CDKAL1: variants seen among roughly 807,000 people sequenced by gnomAD.
CDKAL1 encodes the protein threonylcarbamoyladenosine tRNA methylthiotransferase.
CDKAL1 carries 32 observed loss-of-function variants against 68.2 expected under a neutral mutation model. The ratio of observed to expected loss-of-function variants is 0.47; its 90% CI spans 0.35 to 0.63. The LOEUF (loss-of-function observed/expected upper bound fraction) is 0.63, where lower values mean the gene tolerates loss of function less well. CDKAL1 is among the 30% of genes least tolerant of loss of function. CDKAL1 has a pLI of 0.00. For synonymous variants in CDKAL1, 234 were observed against 244.3 expected (o/e 0.96, Z 0.39); for missense variants, 606 against 696.7 (o/e 0.87, Z 1.47).
intron 4 of CDKAL1, among the ~76,000 whole-genome samples, chr6:20,616,883 T>A (rs991968138): frequency 8.9e-4 from 49 of 55,114 alleles, no homozygotes; most frequent in African/African-American, 2.4e-3. Flanking sequence ...ACACACACAC[T>A]ACAAAAATTA....
chr6:20,576,718 A>G (rs1244431908), intron 4 of CDKAL1, among the ~76,000 whole-genome samples: 3 of 151,968 alleles, frequency 2.0e-5, no homozygotes, highest in African/African-American at 7.3e-5. Context: ...GAACCTACCT[A>G]TTGTACTTTA....
At chr6:20,757,120 A>T (rs1476808146) in intron 6 of CDKAL1, among the ~76,000 whole-genome samples, 1 of 151,986 alleles carries the variant, frequency 6.6e-6, no homozygotes, top group South Asian at 2.1e-4. Context: ...TTTAATAGAG[A>T]TAGGGTTTCA....
intron 7 of CDKAL1, among the ~76,000 whole-genome samples, chr6:20,760,657 A>G (rs1202439248): frequency 6.6e-6 from 1 of 152,182 alleles, no homozygotes; most frequent in Admixed American, 6.5e-5. Flanking sequence ...TTGCTCTCTC[A>G]CAGTTGAGAT....
chr6:21,217,339 G>C (rs1779376809), intron 15 of CDKAL1, among the ~76,000 whole-genome samples: 1 of 150,238 alleles, frequency 6.7e-6, no homozygotes, highest in African/African-American at 2.4e-5. Flanking sequence ...TGTTGCCCAG[G>C]CTGGAGTGCA....
chr6:21,149,347 T>C (rs1776306298), intron 13 of CDKAL1, among the ~76,000 whole-genome samples: 3 of 152,208 alleles, frequency 2.0e-5, no homozygotes, highest in South Asian at 2.1e-4. Flanking sequence ...GGTTTCGCCA[T>C]GTTAGCCAGG....
chr6:20,942,990 A>G (rs193194257), intron 9 of CDKAL1, among the ~76,000 whole-genome samples: 1 of 149,766 alleles, frequency 6.7e-6, no homozygotes, highest in African/African-American at 2.4e-5. Flanking sequence ...TATATTTTAT[A>G]TATACCCACA....
intron 15 of CDKAL1, among the ~76,000 whole-genome samples, chr6:21,215,271 A>T (rs1462881505): frequency 6.6e-6 from 1 of 152,224 alleles, no homozygotes; most frequent in Non-Finnish European, 1.5e-5. Flanking sequence ...AGGCAAAGGA[A>T]TAGCAAACAG....
intron 8 of CDKAL1, among the ~76,000 whole-genome samples, chr6:20,834,887 G>C (rs1777864970): frequency 6.6e-6 from 1 of 152,108 alleles, no homozygotes. Flanking sequence ...TAGCCTTTCT[G>C]TCTCCCTCTA....
chr6:20,952,022 G>C lies in CDKAL1; in HGVS notation c.743-3397G>C, dbSNP rs1484735026. Reference sequence around the variant, plus strand: ...CGCCCAGGCTGGAGTGCAGTGGCACGATCTCGGCTCACTGTAAGCTCCGCC... The same window carrying C: ...CGCCCAGGCTGGAGTGCAGTGGCACCATCTCGGCTCACTGTAAGCTCCGCC... On this transcript the variant is annotated intron_variant, in intron 9 of 15. Coordinates refer to ENST00000274695, the MANE Select transcript of CDKAL1 (RefSeq NM_017774.3). Among the ~76,000 whole-genome samples the C allele has an allele frequency of 1.7e-4, 24 of 139,172 alleles. 1 individual carries two copies. Among genetic ancestry groups the C allele is most frequent in the African/African-American group, 5.4e-4 (20 of 37,042 alleles). 91.3% of individuals were successfully genotyped at this position (139,172 alleles called of 152,430 possible). A position where few individuals can be genotyped will look rare whatever the true frequency, so the allele number is the denominator to read the frequency against.
rs558979978 is a variant in CDKAL1 at position 21,139,913 on chromosome 6, T to C, written c.1299+31450T>C. ...TATTACAAACAAAAATACCTTTTTTTCCCCTCAGGTAAATTACAAGGGTAT... is the reference window on the plus strand; with the variant it reads ...TATTACAAACAAAAATACCTTTTTTCCCCCTCAGGTAAATTACAAGGGTAT... On this transcript the variant is annotated intron_variant, in intron 13 of 15. Coordinates refer to ENST00000274695, the MANE Select transcript of CDKAL1 (RefSeq NM_017774.3). 1.5e-4 allele frequency among the ~76,000 whole-genome samples: 23 copies of C among 152,336 alleles called. No homozygotes were observed. The East Asian group carries it at 2.5e-3, about 17-fold the overall frequency.
At chr6:21,205,044 C>T (rs1347772959) in intron 15 of CDKAL1, among the ~76,000 whole-genome samples, 1 of 152,166 alleles carries the variant, frequency 6.6e-6, no homozygotes, top group African/African-American at 2.4e-5. Flanking sequence ...ATCATATGCT[C>T]ACCAGTGTTT....
intron 9 of CDKAL1, among the ~76,000 whole-genome samples, chr6:20,848,261 G>A (rs1778448330): frequency 8.0e-6 from 1 of 125,694 alleles, no homozygotes; most frequent in Non-Finnish European, 1.7e-5. Flanking sequence ...TGGTCCTTTT[G>A]TTACTTGCTG....
At chr6:21,191,986 ATTTTTCTTT>A (rs1562104787) in intron 13 of CDKAL1, among the ~76,000 whole-genome samples, 2 of 23,332 alleles carry the variant, frequency 8.6e-5, no homozygotes, top group African/African-American at 3.3e-4. Context: ...TTTATAATTC[ATTTTTCTTT>A]TTTTTTTTTT....
intron 8 of CDKAL1, among the ~76,000 whole-genome samples, chr6:20,802,362 T>C (rs1776405909): frequency 6.7e-6 from 1 of 148,644 alleles, no homozygotes; most frequent in South Asian, 2.1e-4. Flanking sequence ...GAGTTATTTT[T>C]CTTTAGCAAA....
intron 5 of CDKAL1, among the ~76,000 whole-genome samples, chr6:20,727,944 G>C (rs1772729049): frequency 6.6e-6 from 1 of 152,096 alleles, no homozygotes; most frequent in Non-Finnish European, 1.5e-5. Flanking sequence ...CTAATTTCAA[G>C]GCAGTTTTAT....
chr6:21,018,354 T>C (rs1001612395), intron 11 of CDKAL1, among the ~76,000 whole-genome samples: 9 of 152,236 alleles, frequency 5.9e-5, no homozygotes, highest in South Asian at 2.1e-4. Flanking sequence ...GGTATACTTA[T>C]AGAGAGGGTC....
chr6:20,935,690 A>C (rs929244375), intron 9 of CDKAL1, among the ~76,000 whole-genome samples: 2 of 152,162 alleles, frequency 1.3e-5, no homozygotes, highest in Non-Finnish European at 2.9e-5. Context: ...TCGGCCTCCC[A>C]AAGTGTTGGG....
intron 13 of CDKAL1, among the ~76,000 whole-genome samples, chr6:21,167,892 G>A (rs960563859): frequency 3.9e-5 from 6 of 152,122 alleles, no homozygotes; most frequent in Admixed American, 6.6e-5. Context: ...ATCTCATTCC[G>A]CAGATGTCTT....
At chr6:21,042,892 T>G (rs916336831) in intron 11 of CDKAL1, among the ~76,000 whole-genome samples, 8 of 152,176 alleles carry the variant, frequency 5.3e-5, no homozygotes, top group Admixed American at 5.2e-4. Flanking sequence ...GATTTGTTTC[T>G]TTCTACCTGA....
Sources: allele counts gnomAD v4.1 joint callset (sites outside exome capture counted in the v4.1 genomes callset), GRCh38; gene constraint gnomAD v4.1.1; transcripts MANE v1.5; gene names NCBI Gene and HGNC (gene_info 2026-07-23, HGNC 2026-07-21).